The following GUCY1A1 variants were observed in gnomAD, a reference collection of about 807,000 sequenced individuals.
The protein encoded by GUCY1A1 is guanylate cyclase soluble subunit alpha-1.
GUCY1A1 carries 48 observed loss-of-function variants against 64.5 expected under a neutral mutation model. The ratio of observed to expected loss-of-function variants is 0.74; its 90% CI spans 0.59 to 0.95. The LOEUF is 0.95. GUCY1A1 is among the 40% of genes least tolerant of loss of function. The probability of loss-of-function intolerance (pLI) is 0.00; values close to 1 mark genes in which losing one functional copy is unlikely to be tolerated. For synonymous variants in GUCY1A1, 308 were observed against 303.4 expected, an observed-to-expected ratio of 1.02 and a Z score of -0.16; for missense variants, 804 against 825.3, an observed-to-expected ratio of 0.97 and a Z score of 0.32.
rs1732832689 is a variant in GUCY1A1, at chr4:155,713,359, A to G, written c.1348A>G (p.Thr450Ala). 6.2e-7 allele frequency: 1 copy of G among 1,614,184 alleles called. No individual in the cohort carries two copies. The highest frequency in any genetic ancestry group is 2.2e-5 in the East Asian group (1 of 44,862). The change falls in exon 7 of 10, where the codon ACA becomes GCA. Residue 450 changes from threonine to alanine, a missense_variant. Physicochemically the swap from Thr to Ala is moderately conservative, Grantham distance 58. Coordinates refer to ENST00000506455, the MANE Select transcript of GUCY1A1 (RefSeq NM_001130682.3). ...AGCCCTGGAGGAGGAGAAGAAAAAGACAGTAGACCTTCTGTGCTCCATATT... is the reference window on the plus strand; with the variant it reads ...AGCCCTGGAGGAGGAGAAGAAAAAGGCAGTAGACCTTCTGTGCTCCATATT... ...HQALEEEKKK[T>A]VDLLCSIFPC...
In GUCY1A1 at chr4:155,737,041, ATCT is replaced by A. The variant is rs1465384364; in HGVS notation, c.*6815_*6817del. On this transcript the variant is annotated 3_prime_UTR_variant, in exon 10 of 10. Transcript: ENST00000506455. ...TTGTAATAAAAGTGTTTAAATAAAA[ATCT>A]TCTTAAAATTTAAAATGAGTTATGT... 1 of 152,026 alleles carries A rather than the reference ATCT, an allele frequency of 6.6e-6. No homozygotes were observed. Among genetic ancestry groups the A allele is most frequent in the African/African-American group, 2.4e-5 (1 of 41,426 alleles). The allele number at this position is 152,026 out of a possible 1,614,324, so 9.4% of individuals were successfully genotyped here.
At position 155,710,930 on chromosome 4, in the gene GUCY1A1, C is replaced by G; in HGVS notation, c.765C>G (p.Tyr255Ter). The G allele has an allele frequency of 1.2e-6, 2 of 1,614,038 alleles. No homozygotes were observed. Among genetic ancestry groups the G allele is most frequent in the Non-Finnish European group, 1.7e-6 (2 of 1,179,898 alleles). ...SEFVNQPYLLYSVHMKSTKPS... is the reference protein window; with the variant it reads ...SEFVNQPYLL The stretch of plus-strand genomic sequence containing the variant: ...TTGTGAATCAGCCCTACTTGTTGTA[C>G]TCCGTTCACATGAAAAGCACCAAGC... Residue 255 changes from tyrosine to a stop codon, truncating the protein, a stop_gained, in exon 6 of 10, where the codon TAC becomes TAG. Coordinates refer to ENST00000506455, the MANE Select transcript of GUCY1A1 (RefSeq NM_001130682.3). LOFTEE classifies it high-confidence loss of function.
chr4:155,727,589 T>G (rs990376178), intron 9 of GUCY1A1, among the ~76,000 whole-genome samples: 5 of 151,810 alleles, frequency 3.3e-5, no homozygotes, highest in African/African-American at 1.2e-4. Flanking sequence ...TAGATAAATT[T>G]TTTTAATCAC....
rs148089528 is a variant in GUCY1A1 at position 155,719,813 on chromosome 4, A to G, written c.1717-2225A>G. On this transcript the variant is annotated intron_variant, in intron 8 of 9. Coordinates refer to ENST00000506455, the MANE Select transcript of GUCY1A1 (RefSeq NM_001130682.3). ...GTACCCCTCCTTTCCTAAGCCTAGA[A>G]GCTTATGATGAGAAATGGGCTATGC... Among the ~76,000 whole-genome samples the G allele has an allele frequency of 8.2e-3, 1,241 of 152,226 alleles. 21 individuals carry two copies. The highest frequency in any genetic ancestry group is 0.027 in the African/African-American group (1,122 of 41,538).
At chr4:155,686,755 T>C (rs1371014266) in intron 2 of GUCY1A1, among the ~76,000 whole-genome samples, 2 of 152,244 alleles carry the variant, frequency 1.3e-5, no homozygotes, top group Non-Finnish European at 2.9e-5. Flanking sequence ...AAAATAGTTT[T>C]GGCTTAACGA....
At chr4:155,701,378 A>T (rs1427067955) in intron 3 of GUCY1A1, among the ~76,000 whole-genome samples, 1 of 152,122 alleles carries the variant, frequency 6.6e-6, no homozygotes, top group Non-Finnish European at 1.5e-5. Context: ...CAACCTTAGC[A>T]ATTGGAAGGG....
chr4:155,720,090 G>T (rs543892469), intron 8 of GUCY1A1, among the ~76,000 whole-genome samples: 1 of 152,140 alleles, frequency 6.6e-6, no homozygotes, highest in African/African-American at 2.4e-5. Flanking sequence ...AGGCAGCACG[G>T]CATGGAAGGA....
Position 155,730,689 on chromosome 4 carries a change from T to G in GUCY1A1, c.*458T>G, listed in dbSNP as rs1735445264. 1 of 153,938 alleles carries G rather than the reference T, an allele frequency of 6.5e-6. No individual in the cohort carries two copies. Among genetic ancestry groups the G allele is most frequent in the Admixed American group, 6.5e-5 (1 of 15,348 alleles). The allele number at this position is 153,938 out of a possible 1,614,324, so 9.5% of individuals were successfully genotyped here. A position where few individuals can be genotyped will look rare whatever the true frequency, so the allele number is the denominator to read the frequency against. On this transcript the variant is annotated 3_prime_UTR_variant, in exon 10 of 10. Coordinates refer to ENST00000506455, the MANE Select transcript of GUCY1A1 (RefSeq NM_001130682.3). ...CTCAGTTCTTTCAAACTTTCAACTC[T>G]GCATTTTATTGCATTTTCTCATTTA...
intron 2 of GUCY1A1, among the ~76,000 whole-genome samples, chr4:155,689,893 G>A (rs571956384): frequency 6.6e-6 from 1 of 152,232 alleles, no homozygotes; most frequent in Admixed American, 6.5e-5. Context: ...GGGCTCTTGA[G>A]TTACAAAAAT....
At chr4:155,671,289 A>T (rs1734114080) in intron 2 of GUCY1A1, among the ~76,000 whole-genome samples, 1 of 152,014 alleles carries the variant, frequency 6.6e-6, no homozygotes. Flanking sequence ...CAACCCTTAA[A>T]TCTCTTGCCA....
At chr4:155,672,462 C>T (rs1017860984) in intron 2 of GUCY1A1, among the ~76,000 whole-genome samples, 1 of 152,108 alleles carries the variant, frequency 6.6e-6, no homozygotes, top group Non-Finnish European at 1.5e-5. Flanking sequence ...GTTGACATTC[C>T]TTTGTGTGAC....
chr4:155,690,574 A>G (rs917224348), intron 2 of GUCY1A1, among the ~76,000 whole-genome samples: 77 of 152,218 alleles, frequency 5.1e-4, no homozygotes, highest in African/African-American at 1.8e-3. Flanking sequence ...TCTCACCACC[A>G]TTATCTTGCT....
chr4:155,697,167 T>G, intron 3 of GUCY1A1, 45 bp downstream of exon 3: 1 of 1,479,952 alleles, frequency 6.8e-7, no homozygotes. Flanking sequence ...TACTTTGAAA[T>G]TGTAGAAGAA....
At chr4:155,673,352 A>C (rs797010541) in intron 2 of GUCY1A1, among the ~76,000 whole-genome samples, 2 of 151,566 alleles carry the variant, frequency 1.3e-5, no homozygotes, top group Non-Finnish European at 2.9e-5. Flanking sequence ...ACCAAGAAAT[A>C]GTCTCAGAAT....
intron 2 of GUCY1A1, among the ~76,000 whole-genome samples, chr4:155,693,646 A>G (rs551814207): frequency 1.3e-5 from 2 of 152,208 alleles, no homozygotes; most frequent in Admixed American, 6.5e-5. Flanking sequence ...TTGTTTATAC[A>G]TATGTAATTT....
In GUCY1A1 at chr4:155,732,109, G is replaced by A. The variant is rs1291274466; in HGVS notation, c.*1878G>A. The A allele has an allele frequency of 1.3e-5, 2 of 151,804 alleles. No homozygotes were observed. The highest frequency in any genetic ancestry group is 2.9e-5 in the Non-Finnish European group (2 of 67,870). The allele number at this position is 151,804 out of a possible 1,614,324, so 9.4% of individuals were successfully genotyped here. ...ATGTAAAAGCATGAAATGGAATGTA[G>A]TCTTGATCAAACATTTCAGCAGACC... is the stretch of plus-strand genomic sequence containing the variant. On this transcript the variant is annotated 3_prime_UTR_variant, in exon 10 of 10. Coordinates refer to ENST00000506455, the MANE Select transcript of GUCY1A1 (RefSeq NM_001130682.3).
chr4:155,700,927 A>G (rs1243373615), intron 3 of GUCY1A1, among the ~76,000 whole-genome samples: 1 of 152,218 alleles, frequency 6.6e-6, no homozygotes. Flanking sequence ...AAATTAATAT[A>G]TAGAATTGTT....
chr4:155,689,584 T>C (rs9997701), intron 2 of GUCY1A1, among the ~76,000 whole-genome samples: 16,325 of 152,218 alleles, frequency 0.11, 2,950 homozygotes, highest in African/African-American at 0.37. Flanking sequence ...AATGTGAATT[T>C]GAATACTTAA....
intron 7 of GUCY1A1, among the ~76,000 whole-genome samples, chr4:155,715,855 C>G (rs773166265): frequency 6.6e-6 from 1 of 151,952 alleles, no homozygotes; most frequent in Non-Finnish European, 1.5e-5. Flanking sequence ...AGACAATAAA[C>G]AAATGAGTAA....
Sources: allele counts gnomAD v4.1 joint callset (sites outside exome capture counted in the v4.1 genomes callset), GRCh38; gene constraint gnomAD v4.1.1; transcripts MANE v1.5; gene names NCBI Gene and HGNC (gene_info 2026-07-23, HGNC 2026-07-21).